Variants in FAM135A observed in about 807,000 individuals in gnomAD.
FAM135A encodes the protein protein FAM135A.
In FAM135A, 79 loss-of-function variants were observed where a neutral mutation model predicts 146.8. The ratio of observed to expected loss-of-function variants is 0.54; its 90% CI spans 0.45 to 0.65. FAM135A has a LOEUF of 0.65. Among genes scored for constraint, FAM135A ranks in the 30% least tolerant of loss-of-function variants. The pLI is 0.00. For missense variants in FAM135A, 1,623 were observed against 1,758.2 expected, an observed-to-expected ratio of 0.92 and a Z score of 1.38; for synonymous variants, 562 against 603.6, an observed-to-expected ratio of 0.93 and a Z score of 1.01.
At chr6:70,465,410 G>T (rs1341391587) in intron 5 of FAM135A, among the ~76,000 whole-genome samples, 2 of 152,048 alleles carry the variant, frequency 1.3e-5, no homozygotes, top group Admixed American at 6.6e-5. Context: ...GGATTATATA[G>T]TAGTTCTATT....
intron 16 of FAM135A, among the ~76,000 whole-genome samples, chr6:70,532,321 T>G (rs1437159079): frequency 6.6e-6 from 1 of 152,262 alleles, no homozygotes; most frequent in African/African-American, 2.4e-5. Flanking sequence ...TATGAACTTT[T>G]TGAAGAACAC....
chr6:70,415,081 G>T (rs956574182), intron 1 of FAM135A, among the ~76,000 whole-genome samples: 2 of 152,176 alleles, frequency 1.3e-5, no homozygotes, highest in Non-Finnish European at 2.9e-5. Context: ...TAGAATTAGT[G>T]TGCTTATAGG....
intron 13 of FAM135A, 49 bp downstream of exon 13, chr6:70,522,635 A>G (rs960907905): frequency 7.1e-7 from 1 of 1,408,686 alleles, no homozygotes; most frequent in Non-Finnish European, 1.0e-6. Flanking sequence ...CCTTTTACAT[A>G]AGATACCTGT....
chr6:70,493,029 G>C (rs1786382088), intron 11 of FAM135A, among the ~76,000 whole-genome samples: 1 of 151,788 alleles, frequency 6.6e-6, no homozygotes, highest in Non-Finnish European at 1.5e-5. Flanking sequence ...ACAAATATAA[G>C]GAATTACATC....
intron 5 of FAM135A, among the ~76,000 whole-genome samples, chr6:70,467,408 A>T (rs1204692693): frequency 6.6e-6 from 1 of 151,598 alleles, no homozygotes; most frequent in Non-Finnish European, 1.5e-5. Flanking sequence ...TGGGGTTCTG[A>T]TGGCACATAA....
Position 70,524,609 on chromosome 6 carries a change from T to C in FAM135A, c.1525T>C (p.Leu509=). 6.5e-7 allele frequency: 1 copy of C among 1,543,684 alleles called. No homozygotes were observed. The highest frequency in any genetic ancestry group is 2.4e-5 in the East Asian group (1 of 40,882). Residue 509 remains leucine (L), a synonymous_variant, in exon 15 of 22, where the codon TTA becomes CTA. Transcript: ENST00000418814. ...KTMKSENTKK[L]IKQNSKDSVV... Reference sequence around the variant, plus strand: ...AATGAAATCTGAAAACACAAAAAAATTAATAAAACAGAACTCTAAGGATTC... The same window carrying C: ...AATGAAATCTGAAAACACAAAAAAACTAATAAAACAGAACTCTAAGGATTC...
intron 16 of FAM135A, among the ~76,000 whole-genome samples, chr6:70,531,781 C>T (rs935690417): frequency 2.6e-5 from 4 of 151,920 alleles, no homozygotes; most frequent in Non-Finnish European, 4.4e-5. Flanking sequence ...GTAAAGCCTC[C>T]GTTATTTCAC....
chr6:70,425,725 A>G (rs1388515296), intron 2 of FAM135A, among the ~76,000 whole-genome samples: 6 of 152,250 alleles, frequency 3.9e-5, no homozygotes, highest in Admixed American at 3.9e-4. Context: ...ACACACATAC[A>G]TACATATATG....
Position 70,525,035 on chromosome 6 carries a change from T to A in FAM135A, c.1951T>A (p.Ser651Thr). The stretch of plus-strand genomic sequence containing the variant: ...TTGCCATGATCATCAAACAACCCCA[T>A]CTTTGGGAGTTAGAACAATTGAAAT... ...DDCHDHQTTP[S>T]LGVRTIEIKP... The change falls in exon 15 of 22, where the codon TCT becomes ACT. Residue 651 changes from serine to threonine, a missense_variant. Transcript: ENST00000418814. 2.5e-6 allele frequency: 4 copies of A among 1,595,410 alleles called. No individual in the cohort carries two copies. The highest frequency in any genetic ancestry group is 3.4e-6 in the Non-Finnish European group (4 of 1,173,810).
chr6:70,502,835 A>T, intron 12 of FAM135A, 44 bp downstream of exon 12: 1 of 1,550,366 alleles, frequency 6.5e-7, no homozygotes, highest in Non-Finnish European at 8.7e-7. Context: ...AATGAGTATT[A>T]TTTACCTTTA....
At chr6:70,445,590 A>G (rs1433834233) in intron 4 of FAM135A, among the ~76,000 whole-genome samples, 3 of 152,176 alleles carry the variant, frequency 2.0e-5, no homozygotes, top group Non-Finnish European at 4.4e-5. Flanking sequence ...GGGATGGGCC[A>G]AAACAAAGGA....
intron 4 of FAM135A, among the ~76,000 whole-genome samples, chr6:70,448,956 T>TA (rs1160378468): frequency 1.3e-5 from 2 of 152,214 alleles, no homozygotes; most frequent in African/African-American, 4.8e-5. Context: ...GCCTGGGTGT[T>TA]ATGGCCATCA....
intron 10 of FAM135A, among the ~76,000 whole-genome samples, chr6:70,488,089 T>C (rs1242264993): frequency 6.6e-6 from 1 of 152,118 alleles, no homozygotes; most frequent in East Asian, 1.9e-4. Flanking sequence ...TTCACCTGTA[T>C]CATAGAAATA....
intron 20 of FAM135A, among the ~76,000 whole-genome samples, chr6:70,539,856 C>T (rs1419403585): frequency 1.3e-5 from 2 of 151,990 alleles, no homozygotes; most frequent in East Asian, 1.9e-4. Flanking sequence ...ATTAGCCAGG[C>T]GTGGTGGTGG....
chr6:70,443,948 G>C (rs1171285502), intron 4 of FAM135A, among the ~76,000 whole-genome samples: 1 of 152,104 alleles, frequency 6.6e-6, no homozygotes, highest in African/African-American at 2.4e-5. Context: ...TAATTTTACA[G>C]ATATACTTTT....
intron 1 of FAM135A, chr6:70,413,953 G>A: frequency 4.1e-6 from 4 of 985,550 alleles, no homozygotes; most frequent in Non-Finnish European, 4.8e-6. Flanking sequence ...CGGTGCCCGC[G>A]GCCGCCCCTG....
chr6:70,420,703 A>C (rs983274431), intron 2 of FAM135A, among the ~76,000 whole-genome samples: 1 of 152,236 alleles, frequency 6.6e-6, no homozygotes, highest in Non-Finnish European at 1.5e-5. Context: ...ACATTTAAAA[A>C]ATTAAAAATA....
intron 11 of FAM135A, among the ~76,000 whole-genome samples, chr6:70,492,681 T>A (rs75503302): frequency 0.022 from 3,204 of 146,952 alleles, 109 homozygotes; most frequent in African/African-American, 0.076. Flanking sequence ...AAGGATACAA[T>A]GAGGCAGTGT....
At chr6:70,555,291 G>A (rs1800620040) in intron 20 of FAM135A, among the ~76,000 whole-genome samples, 3 of 152,040 alleles carry the variant, frequency 2.0e-5, no homozygotes, top group South Asian at 2.1e-4. Context: ...TTAGAGACAA[G>A]CTCTTGCTCT....
Sources: gnomAD v4.1 joint callset for allele counts (sites outside exome capture counted in the v4.1 genomes callset) on GRCh38, gnomAD v4.1.1 for gene constraint, MANE v1.5 for transcripts, NCBI Gene and HGNC (gene_info 2026-07-23, HGNC 2026-07-21) for gene names.